TYR: variants seen among roughly 807,000 people sequenced by gnomAD.
TYR encodes tyrosinase, also known as LB24-AB.
Under a neutral mutation model 51.5 loss-of-function variants are expected in TYR, and 58 were observed. That is an observed-to-expected ratio of 1.13 (90% CI 0.91 to 1.40). The LOEUF is 1.40. Among genes scored for constraint, TYR ranks in the 40% most tolerant of loss-of-function variants. The probability of loss-of-function intolerance (pLI) is 0.00; values close to 1 mark genes in which losing one functional copy is unlikely to be tolerated. For missense variants in TYR, 732 were observed against 647.4 expected (o/e 1.13, Z -1.42); for synonymous variants, 263 against 235.2 (o/e 1.12, Z -1.08).
chr11:89,209,338 T>C (rs1031628535), intron 2 of TYR, among the ~76,000 whole-genome samples: 3 of 152,200 alleles, frequency 2.0e-5, no homozygotes, highest in African/African-American at 7.2e-5. Context: ...TGTTCACTGC[T>C]AGTGCAGCAG....
intron 2 of TYR, among the ~76,000 whole-genome samples, chr11:89,204,224 T>C (rs1943640316): frequency 6.6e-6 from 1 of 152,158 alleles, no homozygotes; most frequent in Non-Finnish European, 1.5e-5. Flanking sequence ...GGGAAAGTAG[T>C]TGAGGAGCAG....
At chr11:89,206,892 A>C (rs990926818) in intron 2 of TYR, among the ~76,000 whole-genome samples, 2 of 152,128 alleles carry the variant, frequency 1.3e-5, no homozygotes, top group African/African-American at 4.8e-5. Flanking sequence ...AGTAAAGAGA[A>C]AGACTTAAGG....
chr11:89,228,000 G>A (rs1254034949), intron 3 of TYR, 30 bp downstream of exon 3: 11 of 1,611,218 alleles, frequency 6.8e-6, no homozygotes, highest in Non-Finnish European at 9.3e-6. Context: ...TAAATAACGT[G>A]CTCATTGGAT....
rs1416274577 is a variant in TYR, at chr11:89,295,258, G to A, written c.1482G>A (p.Gly494=). 6.2e-7 allele frequency: 1 copy of A among 1,613,970 alleles called. No individual in the cohort carries two copies. The highest frequency in any genetic ancestry group is 8.5e-7 in the Non-Finnish European group (1 of 1,179,856). ...CCGTCCTCACTGCCCTGCTGGCAGG[G>A]CTTGTGAGCTTGCTGTGTCGTCACA... is the stretch of plus-strand genomic sequence containing the variant. ...VGAVLTALLA[G]LVSLLCRHKR... is the part of the protein sequence containing the mutation. The change falls in exon 5 of 5, where the codon GGG becomes GGA. Residue 494 remains glycine (G), a synonymous_variant. Transcript: ENST00000263321.
At chr11:89,223,084 CA>C (rs1340287571) in intron 2 of TYR, among the ~76,000 whole-genome samples, 1 of 152,104 alleles carries the variant, frequency 6.6e-6, no homozygotes, top group Non-Finnish European at 1.5e-5. Flanking sequence ...ACTGTATATG[CA>C]AAAAGGAGCA....
At chr11:89,277,142 T>C (rs574999727) in intron 3 of TYR, among the ~76,000 whole-genome samples, 3 of 151,858 alleles carry the variant, frequency 2.0e-5, no homozygotes, top group Admixed American at 1.3e-4. Context: ...GAGAGTTTTA[T>C]TGGATTAAGT....
At chr11:89,181,048 T>C (rs949337830) in intron 1 of TYR, among the ~76,000 whole-genome samples, 24 of 152,258 alleles carry the variant, frequency 1.6e-4, no homozygotes, top group Middle Eastern at 3.4e-3. Flanking sequence ...GGTTGTAAAG[T>C]TCAAGAGTCT....
chr11:89,269,173 G>A (rs1406584712), intron 3 of TYR, among the ~76,000 whole-genome samples: 1 of 151,916 alleles, frequency 6.6e-6, no homozygotes, highest in African/African-American at 2.4e-5. Context: ...CTCAGTGAAG[G>A]GAGTAAGGTA....
intron 2 of TYR, among the ~76,000 whole-genome samples, chr11:89,193,183 G>A (rs541483467): frequency 6.6e-6 from 1 of 152,140 alleles, no homozygotes; most frequent in Non-Finnish European, 1.5e-5. Context: ...TAATGACATT[G>A]CAAAGCGAAG....
At chr11:89,265,764 A>G (rs1944519004) in intron 3 of TYR, among the ~76,000 whole-genome samples, 1 of 152,078 alleles carries the variant, frequency 6.6e-6, no homozygotes, top group Admixed American at 6.6e-5. Flanking sequence ...TAAAAATAAA[A>G]TAATCCATTT....
intron 2 of TYR, among the ~76,000 whole-genome samples, chr11:89,216,373 A>G (rs985046343): frequency 2.0e-5 from 3 of 152,104 alleles, no homozygotes; most frequent in Non-Finnish European, 2.9e-5. Context: ...TTCACCTTCT[A>G]TTAAATGAGG....
intron 3 of TYR, 127 bp from the exon 4 acceptor site, chr11:89,284,646 A>G (rs1202990946): frequency 1.2e-6 from 1 of 830,576 alleles, no homozygotes; most frequent in Non-Finnish European, 1.9e-6. Flanking sequence ...TTGAAGTATA[A>G]AGAATATATT....
chr11:89,197,223 G>C (rs146018603), intron 2 of TYR, among the ~76,000 whole-genome samples: 107 of 152,226 alleles, frequency 7.0e-4, no homozygotes, highest in African/African-American at 2.4e-3. Context: ...TATTGAGTTT[G>C]TAGTGGGAAA....
intron 2 of TYR, among the ~76,000 whole-genome samples, chr11:89,193,834 T>C (rs2135255328): frequency 6.6e-6 from 1 of 151,722 alleles, no homozygotes; most frequent in Non-Finnish European, 1.5e-5. Context: ...AACATGAATA[T>C]ATATTTTACC....
At chr11:89,266,710 C>T (rs901219725) in intron 3 of TYR, among the ~76,000 whole-genome samples, 4 of 151,904 alleles carry the variant, frequency 2.6e-5, no homozygotes, top group Non-Finnish European at 5.9e-5. Flanking sequence ...TTCTTGCTGC[C>T]CACTTTTCTA....
At chr11:89,284,123 GTCCC>G (rs753977567) in intron 3 of TYR, among the ~76,000 whole-genome samples, 20 of 151,784 alleles carry the variant, frequency 1.3e-4, no homozygotes, top group South Asian at 4.1e-4. Flanking sequence ...GTTTCTGATT[GTCCC>G]TGCTTATTTG....
At chr11:89,277,555 A>C (rs530855361) in intron 3 of TYR, among the ~76,000 whole-genome samples, 2 of 151,730 alleles carry the variant, frequency 1.3e-5, no homozygotes, top group Non-Finnish European at 3.0e-5. Flanking sequence ...CCAGACCCAG[A>C]TATCTAGCGA....
At chr11:89,226,845 G>A (rs1428963892) in intron 2 of TYR, among the ~76,000 whole-genome samples, 9 of 151,996 alleles carry the variant, frequency 5.9e-5, no homozygotes, top group East Asian at 1.9e-4. Flanking sequence ...GCCCTTCGTC[G>A]TGTTCCCCCA....
intron 3 of TYR, among the ~76,000 whole-genome samples, chr11:89,253,156 G>C (rs373085658): frequency 6.6e-6 from 1 of 151,680 alleles, no homozygotes; most frequent in African/African-American, 2.4e-5. Context: ...GTCAATGAAA[G>C]ATCCTTTCAC....
Sources: allele counts gnomAD v4.1 joint callset (sites outside exome capture counted in the v4.1 genomes callset), GRCh38; gene constraint gnomAD v4.1.1; transcripts MANE v1.5; gene names NCBI Gene and HGNC (gene_info 2026-07-23, HGNC 2026-07-21).